The following ZNF793 variants were observed in gnomAD, a reference collection of about 807,000 sequenced individuals.
ZNF793 encodes the protein zinc finger protein 793.
Under a neutral mutation model 12.4 loss-of-function variants are expected in ZNF793, and 5 were observed. That is an observed-to-expected ratio of 0.40 (90% CI 0.21 to 0.84). The LOEUF is 0.84. ZNF793 is among the 40% of genes least tolerant of loss of function. The pLI is 0.35. For missense variants in ZNF793, 456 were observed against 495.0 expected, an observed-to-expected ratio of 0.92 and a Z score of 0.75; for synonymous variants, 162 against 172.4, an observed-to-expected ratio of 0.94 and a Z score of 0.47.
rs2042555348 is a variant in ZNF793, at chr19:37,542,050, A to G, written c.*4171A>G. The G allele has an allele frequency of 6.5e-6, 1 of 153,790 alleles. No homozygotes were observed. The highest frequency in any genetic ancestry group is 1.5e-5 in the Non-Finnish European group (1 of 68,964). 9.5% of individuals were successfully genotyped at this position (153,790 alleles called of 1,614,324 possible). A position where few individuals can be genotyped will look rare whatever the true frequency, so the allele number is the denominator to read the frequency against. On this transcript the variant is annotated 3_prime_UTR_variant, in exon 8 of 8. Transcript: ENST00000627814. Reference sequence around the variant, plus strand: ...AAAAGATGTTACACACTGCTGGTGGAGAAATAAATTTTGAAAAACAATGCA... The same window carrying G: ...AAAAGATGTTACACACTGCTGGTGGGGAAATAAATTTTGAAAAACAATGCA...
chr19:37,526,225 A>G (rs1264062272), intron 5 of ZNF793, among the ~76,000 whole-genome samples: 1 of 151,958 alleles, frequency 6.6e-6, no homozygotes, highest in Non-Finnish European at 1.5e-5. Flanking sequence ...CGATCCTCCC[A>G]TTTCAGCCTC....
chr19:37,512,010 G>C (rs1166018487), intron 2 of ZNF793, among the ~76,000 whole-genome samples: 7 of 151,972 alleles, frequency 4.6e-5, no homozygotes, highest in Non-Finnish European at 1.5e-5. Context: ...ACAAATGCAG[G>C]GTTATCTCGG....
intron 4 of ZNF793, among the ~76,000 whole-genome samples, chr19:37,522,910 G>C (rs1397099422): frequency 6.6e-6 from 1 of 151,982 alleles, no homozygotes; most frequent in Non-Finnish European, 1.5e-5. Flanking sequence ...TGGGGTGTGG[G>C]GCATTTAGAT....
intron 5 of ZNF793, among the ~76,000 whole-genome samples, chr19:37,528,675 A>G (rs2042434879): frequency 6.6e-6 from 1 of 151,824 alleles, no homozygotes; most frequent in Non-Finnish European, 1.5e-5. Context: ...CTCCTTCACA[A>G]CTTATGCTGG....
intron 2 of ZNF793, among the ~76,000 whole-genome samples, chr19:37,517,564 C>G (rs2042342606): frequency 6.6e-6 from 1 of 152,110 alleles, no homozygotes; most frequent in Non-Finnish European, 1.5e-5. Context: ...ACCCAAGCGC[C>G]ACAGCCAGGC....
At position 37,537,361 on chromosome 19, in the gene ZNF793, G is replaced by A. The variant is rs529457390; in HGVS notation, c.703G>A (p.Ala235Thr). 6.2e-7 allele frequency: 1 copy of A among 1,612,978 alleles called. No individual in the cohort carries two copies. Among genetic ancestry groups the A allele is most frequent in the African/African-American group, 1.3e-5 (1 of 75,026 alleles). Residue 235 changes from alanine (A) to threonine (T), a missense_variant, in exon 8 of 8, where the codon GCC becomes ACC. By Grantham distance (58) the Ala-to-Thr change is moderately conservative (BLOSUM62 0). Coordinates refer to ENST00000627814, the MANE Select transcript of ZNF793 (RefSeq NM_001013659.3). Reference protein sequence around the residue: ...KPHVCSECGKAFCYKSEFIRH... With the variant: ...KPHVCSECGKTFCYKSEFIRH... ...CCACGTCTGTAGTGAGTGTGGGAAA[G>A]CCTTCTGCTACAAGTCTGAATTCAT...
At chr19:37,523,576 A>C (rs2042391246) in intron 5 of ZNF793, 122 bp downstream of exon 5, 1 of 898,668 alleles carries the variant, frequency 1.1e-6, no homozygotes, top group Admixed American at 2.2e-5. Flanking sequence ...AGGGAAGCTG[A>C]CTCATAGATG....
intron 2 of ZNF793, among the ~76,000 whole-genome samples, chr19:37,519,980 A>G (rs2042362550): frequency 6.6e-6 from 1 of 152,206 alleles, no homozygotes; most frequent in Non-Finnish European, 1.5e-5. Flanking sequence ...CTTAGCTTCA[A>G]ACTTGTATCT....
At chr19:37,514,030 A>G (rs2042312373) in intron 2 of ZNF793, among the ~76,000 whole-genome samples, 1 of 152,236 alleles carries the variant, frequency 6.6e-6, no homozygotes, top group South Asian at 2.1e-4. Flanking sequence ...AATAATATAG[A>G]TAAACCATTA....
chr19:37,507,974 T>C (rs1301153704), intron 1 of ZNF793, among the ~76,000 whole-genome samples: 1 of 152,088 alleles, frequency 6.6e-6, no homozygotes, highest in East Asian at 1.9e-4. Context: ...GGTCCTGAAA[T>C]GTGGAGATTG....
In ZNF793 at chr19:37,540,309, A is replaced by G. The variant is rs1333485056; in HGVS notation, c.*2430A>G. ...AGAAAACTTCAGACCAGTCTTACTC[A>G]TGAATATAGAAACAAAAATTATAGT... is the stretch of plus-strand genomic sequence containing the variant. On this transcript the variant is annotated 3_prime_UTR_variant, in exon 8 of 8. Transcript: ENST00000627814. 1 of 150,412 alleles carries G rather than the reference A, an allele frequency of 6.6e-6. No individual in the cohort carries two copies. The highest frequency in any genetic ancestry group is 1.5e-5 in the Non-Finnish European group (1 of 67,772). 9.3% of individuals were successfully genotyped at this position (150,412 alleles called of 1,614,324 possible). A position where few individuals can be genotyped will look rare whatever the true frequency, so the allele number is the denominator to read the frequency against.
At chr19:37,519,036 G>A (rs929024873) in intron 2 of ZNF793, among the ~76,000 whole-genome samples, 4 of 152,134 alleles carry the variant, frequency 2.6e-5, no homozygotes, top group Non-Finnish European at 5.9e-5. Flanking sequence ...CGAGGCCGAG[G>A]TGGGCGGATC....
In ZNF793 at chr19:37,542,623, ATAGTG is replaced by A. The variant is rs775932529; in HGVS notation, c.*4747_*4751del. On this transcript the variant is annotated 3_prime_UTR_variant, in exon 8 of 8. Transcript: ENST00000627814. The stretch of plus-strand genomic sequence containing the variant: ...GGGAAATTGTAGAAAGGAAAAAACT[ATAGTG>A]TATCCATTCCATAGAATGTTAATAT... The A allele has an allele frequency of 1.2e-5, 3 of 246,694 alleles. No homozygotes were observed. Among genetic ancestry groups the A allele is most frequent in the Non-Finnish European group, 2.5e-5 (3 of 119,760 alleles). The allele number at this position is 246,694 out of a possible 1,614,324, so 15.3% of individuals were successfully genotyped here. A position where few individuals can be genotyped will look rare whatever the true frequency, so the allele number is the denominator to read the frequency against.
At chr19:37,517,216 G>A (rs757245909) in intron 2 of ZNF793, among the ~76,000 whole-genome samples, 2 of 152,094 alleles carry the variant, frequency 1.3e-5, no homozygotes, top group Admixed American at 6.5e-5. Flanking sequence ...GAAGGAAATC[G>A]AAGCAAATAT....
At chr19:37,527,109 G>A (rs945683395) in intron 5 of ZNF793, among the ~76,000 whole-genome samples, 3 of 152,068 alleles carry the variant, frequency 2.0e-5, no homozygotes, top group African/African-American at 4.8e-5. Flanking sequence ...CATCACGCCC[G>A]GCTAAGTTTT....
intron 2 of ZNF793, among the ~76,000 whole-genome samples, 178 bp downstream of exon 2, chr19:37,508,581 CTG>C (rs1214527492): frequency 1.3e-5 from 2 of 152,080 alleles, no homozygotes; most frequent in Non-Finnish European, 2.9e-5. Context: ...TGGCGGGCGC[CTG>C]AGGTCCCAGC....
chr19:37,524,812 G>C (rs1174632413), intron 5 of ZNF793, among the ~76,000 whole-genome samples: 3 of 152,166 alleles, frequency 2.0e-5, no homozygotes, highest in Admixed American at 6.5e-5. Flanking sequence ...AAAAGGCTTT[G>C]GATGATCTTT....
At chr19:37,519,182 C>T (rs543685658) in intron 2 of ZNF793, among the ~76,000 whole-genome samples, 69 of 152,208 alleles carry the variant, frequency 4.5e-4, no homozygotes, top group East Asian at 1.9e-3. Flanking sequence ...AGGAGAATGG[C>T]GTGAACCCAG....
Position 37,538,073 on chromosome 19 carries a change from G to A in ZNF793, c.*194G>A, listed in dbSNP as rs549929230. ...ACTACAGGTGCCCACCACCATGCCC[G>A]GCTAATTTTTTTTTTGTATTTTTAG... On this transcript the variant is annotated 3_prime_UTR_variant, in exon 8 of 8. Coordinates refer to ENST00000627814, the MANE Select transcript of ZNF793 (RefSeq NM_001013659.3). The A allele has an allele frequency of 4.7e-3, 2,677 of 574,892 alleles. 62 individuals carry two copies. The highest frequency in any genetic ancestry group is 0.042 in the Admixed American group (1,149 of 27,568). 35.6% of individuals were successfully genotyped at this position (574,892 alleles called of 1,614,324 possible).
Sources: gnomAD v4.1 joint callset for allele counts (sites outside exome capture counted in the v4.1 genomes callset) on GRCh38, gnomAD v4.1.1 for gene constraint, MANE v1.5 for transcripts, NCBI Gene and HGNC (gene_info 2026-07-23, HGNC 2026-07-21) for gene names.